Variants in DDX31 observed in about 807,000 individuals in gnomAD.
DDX31 encodes the protein ATP-dependent DNA helicase DDX31.
In DDX31, 70 loss-of-function variants were observed where a neutral mutation model predicts 91.3. The observed-to-expected ratio is 0.77, with a 90% CI of 0.63 to 0.94. The LOEUF (loss-of-function observed/expected upper bound fraction) is 0.94, where lower values mean the gene tolerates loss of function less well. DDX31 is among the 40% of genes least tolerant of loss of function. The pLI is 0.00. For missense variants in DDX31, 902 were observed against 925.0 expected, an observed-to-expected ratio of 0.98 and a Z score of 0.32; for synonymous variants, 362 against 350.6, an observed-to-expected ratio of 1.03 and a Z score of -0.36.
Position 132,593,140 on chromosome 9 carries a change from AC to A in DDX31, c.*1725del. Reference sequence around the variant, plus strand: ...ACCCACATAGCATCTATGGCAAGAAACCCTCACCATAAGAGTTAGCAGATTA... The same window carrying A: ...ACCCACATAGCATCTATGGCAAGAAACCTCACCATAAGAGTTAGCAGATTA... On this transcript the variant is annotated 3_prime_UTR_variant, in exon 20 of 20. Transcript: ENST00000372159. 1 of 152,314 alleles carries A rather than the reference AC, an allele frequency of 6.6e-6. No individual in the cohort carries two copies. Among genetic ancestry groups the A allele is most frequent in the South Asian group, 2.1e-4 (1 of 4,822 alleles). 9.4% of individuals were successfully genotyped at this position (152,314 alleles called of 1,614,324 possible).
chr9:132,650,296 A>G lies in DDX31; in HGVS notation c.678T>C (p.Pro226=), dbSNP rs1357810831. The G allele has an allele frequency of 6.2e-7, 1 of 1,614,032 alleles. No homozygotes were observed. Among genetic ancestry groups the G allele is most frequent in the East Asian group, 2.2e-5 (1 of 44,896 alleles). ...SFDTVQKLLK[P]FTWIVPGVLM... is the part of the protein sequence containing the mutation. ...ACACTCCAGGCACAATCCAGGTGAA[A>G]GGCTACAGAAAGACAGCAGACCACA... The change falls in exon 9 of 20, where the codon CCT becomes CCC. Residue 226 remains proline (P), a splice_region_variant and synonymous_variant. Coordinates refer to ENST00000372159, the MANE Select transcript of DDX31 (RefSeq NM_022779.9).
At chr9:132,617,373 T>C (rs1831707012) in intron 18 of DDX31, among the ~76,000 whole-genome samples, 2 of 152,098 alleles carry the variant, frequency 1.3e-5, no homozygotes, top group South Asian at 2.1e-4. Flanking sequence ...TAATCTGTTA[T>C]GTTTATTATG....
rs745464526 is a variant in DDX31 at position 132,651,058 on chromosome 9, C to T, written c.675+17G>A. The T allele has an allele frequency of 1.2e-6, 2 of 1,606,018 alleles. No individual in the cohort carries two copies. The highest frequency in any genetic ancestry group is 3.4e-5 in the Admixed American group (2 of 58,814). ...AGTCAGCAAGCAAGATGAAATGGAA[C>T]TCATGGTTTGCCTTACCTTAAGCAG... On this transcript the variant is annotated intron_variant, in intron 8 of 19. Transcript: ENST00000372159.
intron 8 of DDX31, among the ~76,000 whole-genome samples, chr9:132,650,547 T>C (rs1180599011): frequency 6.6e-6 from 1 of 152,232 alleles, no homozygotes; most frequent in East Asian, 1.9e-4. Flanking sequence ...TCTTAAATCA[T>C]TCAAGTAGCT....
intron 19 of DDX31, among the ~76,000 whole-genome samples, chr9:132,601,051 T>C (rs948210061): frequency 6.6e-6 from 1 of 152,304 alleles, no homozygotes; most frequent in African/African-American, 2.4e-5. Flanking sequence ...GGAACTGTTA[T>C]GATTACACAC....
intron 19 of DDX31, among the ~76,000 whole-genome samples, chr9:132,604,115 A>G (rs1056273678): frequency 3.3e-5 from 5 of 152,198 alleles, no homozygotes; most frequent in Non-Finnish European, 7.3e-5. Flanking sequence ...GGGTGTGCTG[A>G]GAGGGGAAGG....
chr9:132,629,352 T>C (rs1832586482), intron 16 of DDX31, among the ~76,000 whole-genome samples: 1 of 152,256 alleles, frequency 6.6e-6, no homozygotes, highest in Non-Finnish European at 1.5e-5. Context: ...ACACACAGCA[T>C]GTTTTCTGAA....
chr9:132,624,230 A>G (rs1438017180), intron 17 of DDX31, among the ~76,000 whole-genome samples: 1 of 151,196 alleles, frequency 6.6e-6, no homozygotes, highest in Non-Finnish European at 1.5e-5. Flanking sequence ...AGAATTTATG[A>G]TAGTTCCAAA....
Position 132,659,790 on chromosome 9 carries a change from C to G in DDX31, c.453-10G>C. 6.2e-7 allele frequency: 1 copy of G among 1,611,818 alleles called. No homozygotes were observed. The highest frequency in any genetic ancestry group is 8.5e-7 in the Non-Finnish European group (1 of 1,178,860). On this transcript the variant is annotated splice_polypyrimidine_tract_variant and intron_variant, in intron 4 of 19. Coordinates refer to ENST00000372159, the MANE Select transcript of DDX31 (RefSeq NM_022779.9). ...ACTTTGCTTCTGAACACTGGGCCAC[C>G]CGAAAAAAAGAACACACTTTACCTA...
chr9:132,630,397 C>G lies in DDX31; in HGVS notation c.1498G>C (p.Ala500Pro). The change falls in exon 16 of 20, where the codon GCT (alanine) becomes CCT (proline). Residue 500 changes from alanine to proline, a missense_variant. Coordinates refer to ENST00000372159, the MANE Select transcript of DDX31 (RefSeq NM_022779.9). ...ATGTATTCTGCAGGTGAAGATGGAG[C>G]GTTGTACTAAAAAGGGTAACAAAAA... The part of the protein sequence containing the change: ...PQVTWIVQYN[A>P]PSSPAEYIHR... 1 of 1,586,576 alleles carries G rather than the reference C, an allele frequency of 6.3e-7. No individual in the cohort carries two copies. Among genetic ancestry groups the G allele is most frequent in the Non-Finnish European group, 8.6e-7 (1 of 1,158,458 alleles).
chr9:132,616,219 A>C (rs1244670118), intron 18 of DDX31, among the ~76,000 whole-genome samples: 1 of 152,372 alleles, frequency 6.6e-6, no homozygotes, highest in Middle Eastern at 3.4e-3. Flanking sequence ...GTGTTGTCCC[A>C]GCCCATTATC....
intron 18 of DDX31, among the ~76,000 whole-genome samples, chr9:132,614,366 TAC>T (rs1831514164): frequency 6.6e-6 from 1 of 151,448 alleles, no homozygotes; most frequent in Non-Finnish European, 1.5e-5. Context: ...CTGTTTGGAG[TAC>T]ACAGAGCCCC....
chr9:132,601,198 AG>A (rs1170649415), intron 19 of DDX31, among the ~76,000 whole-genome samples: 1 of 152,224 alleles, frequency 6.6e-6, no homozygotes, highest in Non-Finnish European at 1.5e-5. Flanking sequence ...CCACATCTGC[AG>A]GAACAGCTAA....
chr9:132,663,771 T>C (rs1835134391), intron 1 of DDX31, among the ~76,000 whole-genome samples: 1 of 152,216 alleles, frequency 6.6e-6, no homozygotes, highest in South Asian at 2.1e-4. Context: ...TTTACCTAAG[T>C]AATTAAATAC....
chr9:132,623,428 C>T (rs543817998), intron 17 of DDX31, among the ~76,000 whole-genome samples: 7 of 150,652 alleles, frequency 4.6e-5, no homozygotes, highest in East Asian at 2.0e-4. Context: ...TGGTGGCATG[C>T]GCCTGTATTC....
At chr9:132,660,263 A>T (rs1343240028) in intron 4 of DDX31, among the ~76,000 whole-genome samples, 1 of 151,060 alleles carries the variant, frequency 6.6e-6, no homozygotes, top group Non-Finnish European at 1.5e-5. Flanking sequence ...TGAACCTGGG[A>T]GGCAGAGATT....
rs377325000 is a variant in DDX31 at position 132,626,177 on chromosome 9, T to A, written c.1632-432A>T. 1.7e-4 allele frequency among the ~76,000 whole-genome samples: 25 copies of A among 148,676 alleles called. 1 individual carries two copies. In the South Asian group the frequency reaches 2.6e-3, roughly 15 times the overall value. Reference sequence around the variant, plus strand: ...AAAGGAAGAAAAGGGTGGCCAAACATCCTCCACTGTGGGGTAAACACCCCT... The same window carrying A: ...AAAGGAAGAAAAGGGTGGCCAAACAACCTCCACTGTGGGGTAAACACCCCT... On this transcript the variant is annotated intron_variant, in intron 16 of 19. Transcript: ENST00000372159.
At position 132,593,206 on chromosome 9, in the gene DDX31, C is replaced by T. The variant is rs951632020; in HGVS notation, c.*1660G>A. The T allele has an allele frequency of 5.3e-5, 8 of 152,212 alleles. No individual in the cohort carries two copies. The highest frequency in any genetic ancestry group is 1.3e-4 in the Admixed American group (2 of 15,274). 9.4% of individuals were successfully genotyped at this position (152,212 alleles called of 1,614,324 possible). The stretch of plus-strand genomic sequence containing the variant: ...GATCTTGGAATTATCGTCACTCACA[C>T]GTTGCATGATTCTAGCACTTCTCTT... On this transcript the variant is annotated 3_prime_UTR_variant, in exon 20 of 20. Coordinates refer to ENST00000372159, the MANE Select transcript of DDX31 (RefSeq NM_022779.9).
intron 18 of DDX31, 41 bp from the exon 19 acceptor site, chr9:132,612,296 G>A (rs927200455): frequency 6.2e-7 from 1 of 1,612,310 alleles, no homozygotes; most frequent in Admixed American, 1.7e-5. Context: ...GTCAGGACCG[G>A]GGTCTCCAAG....
Sources: gnomAD v4.1 joint callset for allele counts (sites outside exome capture counted in the v4.1 genomes callset) on GRCh38, gnomAD v4.1.1 for gene constraint, MANE v1.5 for transcripts, NCBI Gene and HGNC (gene_info 2026-07-23, HGNC 2026-07-21) for gene names.